ZSWIM2: variants seen among roughly 807,000 people sequenced by gnomAD.
ZSWIM2 encodes the protein zinc finger SWIM-type containing 2, also known as E3 ubiquitin-protein ligase ZSWIM2.
ZSWIM2 carries 38 observed loss-of-function variants against 48.4 expected under a neutral mutation model. That is an observed-to-expected ratio of 0.79 (90% CI 0.61 to 1.03). ZSWIM2 has a LOEUF of 1.03. ZSWIM2 is among the 50% of genes least tolerant of loss of function. The pLI is 0.00. For synonymous variants in ZSWIM2, 240 were observed against 251.3 expected (o/e 0.96, Z 0.42); for missense variants, 776 against 730.2 (o/e 1.06, Z -0.72).
Position 186,828,251 on chromosome 2 carries a change from G to C in ZSWIM2, c.1635C>G (p.Thr545=), listed in dbSNP as rs1691633241. Residue 545 remains threonine (T), a synonymous_variant, in exon 9 of 9, where the codon ACC becomes ACG. Coordinates refer to ENST00000295131, the MANE Select transcript of ZSWIM2 (RefSeq NM_182521.3). ...GKFHTSLSRM[T]KGCKCNNHNL... ...TGTGGTTATTACATTTACAGCCTTT[G>C]GTCATCCGGCTTAGACTAGTGTGAA... 1 of 1,613,552 alleles carries C rather than the reference G, an allele frequency of 6.2e-7. No individual in the cohort carries two copies. Among genetic ancestry groups the C allele is most frequent in the African/African-American group, 1.3e-5 (1 of 74,976 alleles).
chr2:186,848,156 T>G (rs1231961850), intron 1 of ZSWIM2, among the ~76,000 whole-genome samples: 2 of 152,200 alleles, frequency 1.3e-5, no homozygotes, highest in Non-Finnish European at 2.9e-5. Context: ...TCATTTTGGA[T>G]TTTTGTTTGG....
Position 186,849,149 on chromosome 2 carries a change from C to G in ZSWIM2, c.-19G>C. ...GAAGCATGCTGGGTGCGGGCGGAGG[C>G]GGCCCCTCTGCTCGGCTCACTGAGG... On this transcript the variant is annotated 5_prime_UTR_variant, in exon 1 of 9. Coordinates refer to ENST00000295131, the MANE Select transcript of ZSWIM2 (RefSeq NM_182521.3). The G allele has an allele frequency of 6.3e-7, 1 of 1,597,962 alleles. No homozygotes were observed. The highest frequency in any genetic ancestry group is 1.1e-5 in the South Asian group (1 of 90,058).
intron 3 of ZSWIM2, 104 bp from the exon 4 acceptor site, chr2:186,839,273 G>C: frequency 1.9e-6 from 2 of 1,048,400 alleles, no homozygotes; most frequent in Non-Finnish European, 2.8e-6. Flanking sequence ...ATATCAGAGA[G>C]ACAGTTTTGA....
At chr2:186,841,357 T>TCTTC (rs397773134) in intron 3 of ZSWIM2, among the ~76,000 whole-genome samples, 1 of 150,748 alleles carries the variant, frequency 6.6e-6, no homozygotes, top group African/African-American at 2.4e-5. Flanking sequence ...TTAATATCTT[T>TCTTC]GTATGCTTAA....
intron 3 of ZSWIM2, among the ~76,000 whole-genome samples, chr2:186,843,132 C>T (rs1047113891): frequency 3.3e-5 from 5 of 151,472 alleles, no homozygotes; most frequent in Admixed American, 2.0e-4. Context: ...AATATGGCTA[C>T]TAGAAAATTA....
At chr2:186,834,181 T>C (rs1478815956) in intron 5 of ZSWIM2, 151 bp from the exon 6 acceptor site, 5 of 606,908 alleles carry the variant, frequency 8.2e-6, no homozygotes, top group Non-Finnish European at 1.2e-5. Context: ...TTCCTGTTGC[T>C]GCTGTAAAAA....
intron 3 of ZSWIM2, among the ~76,000 whole-genome samples, chr2:186,842,851 A>G (rs2105821833): frequency 6.6e-6 from 1 of 151,690 alleles, no homozygotes; most frequent in African/African-American, 2.4e-5. Flanking sequence ...ATGTATAAGT[A>G]TGTAACAATT....
Position 186,847,731 on chromosome 2 carries a change from T to C in ZSWIM2, c.230A>G (p.Lys77Arg). 1 of 1,604,600 alleles carries C rather than the reference T, an allele frequency of 6.2e-7. No homozygotes were observed. The change falls in exon 2 of 9, where the codon AAG becomes AGG. Residue 77 changes from lysine (K) to arginine (R), a missense_variant. Lys to Arg is a conservative substitution (Grantham distance 26, BLOSUM62 2). Coordinates refer to ENST00000295131, the MANE Select transcript of ZSWIM2 (RefSeq NM_182521.3). Reference sequence around the variant, plus strand: ...AAAAGTCACTTACCAGCAGATATGCTTACAAAGTTCCCCTCCTTTCGGAAA... The same window carrying C: ...AAAAGTCACTTACCAGCAGATATGCCTACAAAGTTCCCCTCCTTTCGGAAA... ...STFPKGGELC[K>R]HICWVLLKKF... is the part of the protein sequence containing the mutation.
intron 7 of ZSWIM2, 63 bp from the exon 8 acceptor site, chr2:186,829,943 T>C (rs1403198263): frequency 1.9e-6 from 3 of 1,539,564 alleles, no homozygotes; most frequent in African/African-American, 1.4e-5. Flanking sequence ...AAGTGATCAA[T>C]AGCACAGGTA....
chr2:186,838,186 T>C (rs953769739), intron 4 of ZSWIM2, among the ~76,000 whole-genome samples: 20 of 151,044 alleles, frequency 1.3e-4, no homozygotes, highest in African/African-American at 4.9e-4. Flanking sequence ...TGAAGAAAAG[T>C]ATGAACATTA....
rs1691853319 is a variant in ZSWIM2 at position 186,838,982 on chromosome 2, T to C, written c.471A>G (p.Lys157=). The C allele has an allele frequency of 6.2e-7, 1 of 1,608,776 alleles. No individual in the cohort carries two copies. Among genetic ancestry groups the C allele is most frequent in the Admixed American group, 1.7e-5 (1 of 59,562 alleles). Residue 157 remains lysine (K), a synonymous_variant, in exon 4 of 9, where the codon AAA becomes AAG. Transcript: ENST00000295131. ...CSICQELLLE[K]KLPVTFCRFG... ...ACCTGCAAAAGGTGACAGGAAGCTT[T>C]TTCTCTAAAAGTAGCTCTTGACAAA...
At chr2:186,833,287 G>C in intron 6 of ZSWIM2, 55 bp from the exon 7 acceptor site, 1 of 868,620 alleles carries the variant, frequency 1.2e-6, no homozygotes, top group Non-Finnish European at 1.7e-6. Flanking sequence ...TTTTCATTTT[G>C]TGGAGAAAAA....
intron 3 of ZSWIM2, among the ~76,000 whole-genome samples, chr2:186,842,857 C>T (rs925433070): frequency 1.3e-5 from 2 of 151,370 alleles, no homozygotes; most frequent in East Asian, 1.9e-4. Context: ...AAGTATGTAA[C>T]AATTTGGATA....
chr2:186,844,570 T>C (rs967468649), intron 3 of ZSWIM2, 147 bp downstream of exon 3: 3 of 755,152 alleles, frequency 4.0e-6, no homozygotes, highest in Non-Finnish European at 6.1e-6. Flanking sequence ...GTCTTAAGTT[T>C]AAGAAGCTGA....
chr2:186,840,071 C>A (rs750430525), intron 3 of ZSWIM2, among the ~76,000 whole-genome samples: 7 of 151,458 alleles, frequency 4.6e-5, no homozygotes, highest in Non-Finnish European at 7.4e-5. Flanking sequence ...CACTAAAATA[C>A]TGAAAACATC....
intron 3 of ZSWIM2, among the ~76,000 whole-genome samples, chr2:186,844,360 T>TA (rs571830478): frequency 6.6e-6 from 1 of 151,698 alleles, no homozygotes; most frequent in East Asian, 1.9e-4. Context: ...TTCTGGGATC[T>TA]AAAAAAATCA....
intron 2 of ZSWIM2, among the ~76,000 whole-genome samples, chr2:186,846,171 A>G (rs1426021906): frequency 1.3e-5 from 2 of 151,998 alleles, no homozygotes; most frequent in African/African-American, 4.8e-5. Flanking sequence ...ACAGCAAATG[A>G]AACAATCAAC....
At chr2:186,836,599 T>G (rs987130524) in intron 5 of ZSWIM2, among the ~76,000 whole-genome samples, 1 of 152,088 alleles carries the variant, frequency 6.6e-6, no homozygotes, top group Non-Finnish European at 1.5e-5. Context: ...AAAAATAAAC[T>G]GATACATTTC....
chr2:186,833,638 G>A (rs968342807), intron 6 of ZSWIM2, among the ~76,000 whole-genome samples: 3 of 152,114 alleles, frequency 2.0e-5, no homozygotes, highest in Non-Finnish European at 4.4e-5. Context: ...AAGCCAATTT[G>A]TAATGTTGAG....
Sources: gnomAD v4.1 joint callset for allele counts (sites outside exome capture counted in the v4.1 genomes callset) on GRCh38, gnomAD v4.1.1 for gene constraint, MANE v1.5 for transcripts, NCBI Gene and HGNC (gene_info 2026-07-23, HGNC 2026-07-21) for gene names.